Variants in FUT8 observed in about 807,000 individuals in gnomAD.
FUT8 encodes alpha-(1,6)-fucosyltransferase.
FUT8 carries 29 observed loss-of-function variants against 71.3 expected under a neutral mutation model. That is an observed-to-expected ratio of 0.41 (90% CI 0.30 to 0.55). The LOEUF (loss-of-function observed/expected upper bound fraction) is 0.55. Ranked by LOEUF, FUT8 falls within the 20% of genes least tolerant of loss-of-function variation. The pLI, the probability that FUT8 is intolerant of heterozygous loss-of-function variation, is 0.34. For missense variants in FUT8, 544 were observed against 702.1 expected (o/e 0.77, Z 2.55); for synonymous variants, 254 against 239.3 (o/e 1.06, Z -0.57).
chr14:65,424,858 C>T (rs2065359082), intron 1 of FUT8, among the ~76,000 whole-genome samples: 1 of 151,942 alleles, frequency 6.6e-6, no homozygotes, highest in Admixed American at 6.6e-5. Context: ...CAGGGTTTTG[C>T]CATGTTGCCC....
intron 2 of FUT8, among the ~76,000 whole-genome samples, chr14:65,487,049 T>C (rs2066418778): frequency 6.6e-6 from 1 of 152,162 alleles, no homozygotes. Flanking sequence ...CAGAGCACAG[T>C]TAGACTCTAT....
At chr14:65,450,051 A>T (rs1168210637) in intron 1 of FUT8, among the ~76,000 whole-genome samples, 1 of 151,964 alleles carries the variant, frequency 6.6e-6, no homozygotes, top group Non-Finnish European at 1.5e-5. Flanking sequence ...GTTCTTCTTC[A>T]TTTCATATGT....
chr14:65,478,989 T>C (rs2139671717), intron 2 of FUT8, among the ~76,000 whole-genome samples: 1 of 152,362 alleles, frequency 6.6e-6, no homozygotes, highest in East Asian at 1.9e-4. Flanking sequence ...TGGTTATCAG[T>C]ATTTTAGGAA....
At chr14:65,512,257 G>T (rs1348592279) in intron 2 of FUT8, among the ~76,000 whole-genome samples, 1 of 152,158 alleles carries the variant, frequency 6.6e-6, no homozygotes, top group Non-Finnish European at 1.5e-5. Context: ...TGCGCCTCCT[G>T]GTTCAAGCAA....
chr14:65,596,570 G>C (rs1887990307), intron 3 of FUT8, among the ~76,000 whole-genome samples: 1 of 152,140 alleles, frequency 6.6e-6, no homozygotes, highest in African/African-American at 2.4e-5. Flanking sequence ...GTTTTTGAAG[G>C]AGATGATGGT....
intron 10 of FUT8, among the ~76,000 whole-genome samples, chr14:65,734,831 C>G (rs968801656): frequency 2.6e-5 from 4 of 152,180 alleles, no homozygotes; most frequent in African/African-American, 9.7e-5. Context: ...AAGTCAACTC[C>G]TCTAGTCCAG....
At chr14:65,524,053 C>T (rs962304977) in intron 2 of FUT8, among the ~76,000 whole-genome samples, 59 of 152,180 alleles carry the variant, frequency 3.9e-4, no homozygotes, top group Middle Eastern at 3.4e-3. Flanking sequence ...CTTGGCAATG[C>T]GGGCTCTTTT....
At chr14:65,427,151 C>G (rs759961782) in intron 1 of FUT8, among the ~76,000 whole-genome samples, 7 of 152,106 alleles carry the variant, frequency 4.6e-5, no homozygotes, top group African/African-American at 1.7e-4. Flanking sequence ...CGTGAACCAC[C>G]GCGCCTGGCC....
chr14:65,684,256 G>A (rs1253110042), intron 7 of FUT8, among the ~76,000 whole-genome samples: 1 of 152,038 alleles, frequency 6.6e-6, no homozygotes, highest in Non-Finnish European at 1.5e-5. Context: ...GTGAAAACAG[G>A]AGTAACCACA....
chr14:65,444,971 C>T (rs1272378200), intron 1 of FUT8, among the ~76,000 whole-genome samples: 7 of 151,808 alleles, frequency 4.6e-5, no homozygotes, highest in South Asian at 2.1e-4. Context: ...TTTGAGAGGC[C>T]GAGGCGGGTG....
intron 9 of FUT8, 79 bp downstream of exon 9, chr14:65,724,402 G>T: frequency 1.2e-6 from 1 of 838,814 alleles, no homozygotes; most frequent in African/African-American, 1.7e-5. Flanking sequence ...CATGACTTGT[G>T]ATTTTTGTAT....
rs1566851538 is a variant in FUT8, at chr14:65,611,291, ACACACACACAC to A, written c.204-4685_204-4675del. On this transcript the variant is annotated intron_variant, in intron 3 of 10. Coordinates refer to ENST00000673929, the MANE Select transcript of FUT8 (RefSeq NM_001371533.1). ...CACACACACACACACACACACACACACACACACACACCCCCCAAGTAATAGCCTTGATTTTG... is the reference window on the plus strand; with the variant it reads ...CACACACACACACACACACACACACACCCCCAAGTAATAGCCTTGATTTTG... Among the ~76,000 whole-genome samples, 69 of 46,306 alleles carry A rather than the reference ACACACACACAC, an allele frequency of 1.5e-3. 8 individuals are homozygous for A. The highest frequency in any genetic ancestry group is 6.8e-3 in the African/African-American group (61 of 9,028). The allele number at this position is 46,306 out of a possible 152,430, so 30.4% of individuals were successfully genotyped here. A position where few individuals can be genotyped will look rare whatever the true frequency, so the allele number is the denominator to read the frequency against.
chr14:65,524,247 A>C lies in FUT8; in HGVS notation c.-227-37090A>C, dbSNP rs139123479. Among the ~76,000 whole-genome samples the C allele has an allele frequency of 8.6e-3, 1,315 of 152,080 alleles. 38 individuals carry two copies. The highest frequency in any genetic ancestry group is 0.051 in the Admixed American group (776 of 15,262). ...ATTTGTTTATGTCCTCTTTTATTTC[A>C]TTGAGCAGTGGTTTGTAGTTCTTCT... On this transcript the variant is annotated intron_variant, in intron 2 of 10. Transcript: ENST00000673929.
At chr14:65,573,681 C>G (rs2140088875) in intron 3 of FUT8, among the ~76,000 whole-genome samples, 1 of 151,074 alleles carries the variant, frequency 6.6e-6, no homozygotes, top group East Asian at 1.9e-4. Flanking sequence ...AATGATCGTG[C>G]CTGTGAATAG....
rs1270450970 is a variant in FUT8 at position 65,524,708 on chromosome 14, G to T, written c.-227-36629G>T. On this transcript the variant is annotated intron_variant, in intron 2 of 10. Coordinates refer to ENST00000673929, the MANE Select transcript of FUT8 (RefSeq NM_001371533.1). ...CCATTCAGTATGATGTTGGTTGTGG[G>T]TTTGTCATAAATAGCTCTTAGTATT... Among the ~76,000 whole-genome samples the T allele has an allele frequency of 3.3e-5, 5 of 152,128 alleles. No homozygotes were observed. The East Asian group carries it at 9.6e-4, about 29-fold the overall frequency.
chr14:65,708,442 A>G (rs1894661714), intron 7 of FUT8, among the ~76,000 whole-genome samples: 2 of 152,216 alleles, frequency 1.3e-5, no homozygotes, highest in African/African-American at 4.8e-5. Context: ...TAATGTGGAC[A>G]TTTTAATAAT....
At chr14:65,674,183 G>A (rs1448567501) in intron 7 of FUT8, among the ~76,000 whole-genome samples, 3 of 152,128 alleles carry the variant, frequency 2.0e-5, no homozygotes, top group African/African-American at 7.2e-5. Context: ...TTCAGTCTTT[G>A]ATAATTGTAT....
rs538093541 is a variant in FUT8, at chr14:65,566,269, A to G, written c.203+4503A>G. Among the ~76,000 whole-genome samples, 5 of 152,130 alleles carry G rather than the reference A, an allele frequency of 3.3e-5. No homozygotes were observed. In the East Asian group the frequency reaches 9.6e-4, roughly 29 times the overall value. ...ATTGCATGGCCTCTTGAGACTGAGC[A>G]TCAGAAGTAACACAGTGTCAATTCT... On this transcript the variant is annotated intron_variant, in intron 3 of 10. Coordinates refer to ENST00000673929, the MANE Select transcript of FUT8 (RefSeq NM_001371533.1).
chr14:65,537,548 C>T lies in FUT8; in HGVS notation c.-227-23789C>T, dbSNP rs1274672998. 2.0e-4 allele frequency among the ~76,000 whole-genome samples: 31 copies of T among 152,052 alleles called. 1 individual carries two copies. The highest frequency in any genetic ancestry group is 9.8e-4 in the Admixed American group (15 of 15,266). ...GACTACAGGCACCTGCCACCACGCC[C>T]GGCTAATTTTTTGTATTTTTAGTAG... On this transcript the variant is annotated intron_variant, in intron 2 of 10. Transcript: ENST00000673929.
Sources: allele counts gnomAD v4.1 joint callset (sites outside exome capture counted in the v4.1 genomes callset), GRCh38; gene constraint gnomAD v4.1.1; transcripts MANE v1.5; gene names NCBI Gene and HGNC (gene_info 2026-07-23, HGNC 2026-07-21).